STOX2: variants seen among roughly 807,000 people sequenced by gnomAD.
STOX2 encodes the protein storkhead box 2.
Under a neutral mutation model 60.9 loss-of-function variants are expected in STOX2, and 28 were observed. The ratio of observed to expected loss-of-function variants is 0.46; its 90% CI spans 0.34 to 0.63. STOX2 has a LOEUF of 0.63. Among genes scored for constraint, STOX2 ranks in the 30% least tolerant of loss-of-function variants. STOX2 has a pLI of 0.01. For missense variants in STOX2, 1,024 were observed against 1,187.7 expected, an observed-to-expected ratio of 0.86 and a Z score of 2.03; for synonymous variants, 472 against 463.9, an observed-to-expected ratio of 1.02 and a Z score of -0.22.
Position 184,009,427 on chromosome 4 carries a change from G to T in STOX2, c.589G>T (p.Asp197Tyr). 1 of 1,613,980 alleles carries T rather than the reference G, an allele frequency of 6.2e-7. No individual in the cohort carries two copies. Among genetic ancestry groups the T allele is most frequent in the Non-Finnish European group, 8.5e-7 (1 of 1,179,898 alleles). ...RERTLPRNHC[D>Y]SCHCCREDVH... ...AAGGACATTGCCCCGAAACCACTGC[G>T]ACTCTTGCCACTGCTGCAGAGAAGA... Residue 197 changes from aspartate (D) to tyrosine (Y), a missense_variant, in exon 3 of 4, where the codon GAC becomes TAC. Physicochemically the swap from Asp to Tyr is radical, Grantham distance 160. Transcript: ENST00000308497. This position sits in a 1 kb window ranked among gnomAD's most constrained non-coding sequence, Gnocchi z 4.0.
chr4:183,947,039 C>T (rs1463158074), intron 1 of STOX2, among the ~76,000 whole-genome samples: 3 of 151,508 alleles, frequency 2.0e-5, no homozygotes, highest in East Asian at 1.9e-4. Flanking sequence ...CACCACTTTA[C>T]ATCAAAGGTC....
At chr4:183,822,625 G>T (rs758838915) in intron 1 of STOX2, among the ~76,000 whole-genome samples, 1 of 152,176 alleles carries the variant, frequency 6.6e-6, no homozygotes, top group African/African-American at 2.4e-5. Flanking sequence ...CGCTGCCGCG[G>T]ATCTGACAGG....
chr4:183,983,854 A>G (rs934121006), intron 1 of STOX2, among the ~76,000 whole-genome samples: 2 of 152,200 alleles, frequency 1.3e-5, no homozygotes, highest in Non-Finnish European at 2.9e-5. Flanking sequence ...GTGCAATCAT[A>G]GCTCACTGCA....
At chr4:184,015,010 C>T (rs1324962080) in intron 3 of STOX2, 1 of 152,118 alleles carries the variant, frequency 6.6e-6, no homozygotes, top group Non-Finnish European at 1.5e-5. Context: ...GAAGCGAACC[C>T]ACAGTCACTA....
At chr4:183,808,021 A>G (rs1478668720) in intron 1 of STOX2, among the ~76,000 whole-genome samples, 1 of 152,244 alleles carries the variant, frequency 6.6e-6, no homozygotes, top group Non-Finnish European at 1.5e-5. Context: ...GGGTTCCCGT[A>G]GCAGATGGAC....
intron 1 of STOX2, among the ~76,000 whole-genome samples, chr4:183,989,442 C>A (rs1039214665): frequency 1.3e-5 from 2 of 152,066 alleles, no homozygotes; most frequent in Non-Finnish European, 2.9e-5. Context: ...CCTCTGTTGA[C>A]CTGCCTGCCT....
At chr4:183,805,080 G>C (rs762651704) in intron 1 of STOX2, among the ~76,000 whole-genome samples, 1 of 152,110 alleles carries the variant, frequency 6.6e-6, no homozygotes, top group Non-Finnish European at 1.5e-5. Context: ...TATATTTTGC[G>C]GTAAAAACCC....
At chr4:183,948,218 CAAA>C (rs760286920) in intron 1 of STOX2, among the ~76,000 whole-genome samples, 302 of 29,844 alleles carry the variant, frequency 0.01, no homozygotes, top group Middle Eastern at 0.042. Context: ...AACTCCATCT[CAAA>C]AAAAAAAAAA....
chr4:183,846,936 T>C (rs1042594314), intron 1 of STOX2, among the ~76,000 whole-genome samples: 2 of 152,230 alleles, frequency 1.3e-5, no homozygotes, highest in Non-Finnish European at 2.9e-5. Flanking sequence ...GTGGTTGCTG[T>C]TTCTTTGTTT....
At chr4:183,986,633 G>A (rs905852525) in intron 1 of STOX2, among the ~76,000 whole-genome samples, 2 of 152,286 alleles carry the variant, frequency 1.3e-5, no homozygotes, top group African/African-American at 2.4e-5. Flanking sequence ...TCTGGGCACA[G>A]GGACCTGGTT....
rs562477738 is a variant in STOX2 at position 183,893,417 on chromosome 4, T to G, written c.364+95362T>G. On this transcript the variant is annotated intron_variant, in intron 1 of 2. Coordinates refer to the STOX2 transcript ENST00000513034. ...TTCCCTTTGCGGCCAGCATCTTAGCTTGGTGGACTGGACGAAGCCGGTGGT... is the reference window on the plus strand; with the variant it reads ...TTCCCTTTGCGGCCAGCATCTTAGCGTGGTGGACTGGACGAAGCCGGTGGT... Among the ~76,000 whole-genome samples the G allele has an allele frequency of 2.0e-5, 3 of 152,236 alleles. No homozygotes were observed. The South Asian group carries it at 6.2e-4, about 32-fold the overall frequency.
At chr4:183,837,495 G>C (rs889308282) in intron 1 of STOX2, among the ~76,000 whole-genome samples, 8 of 150,544 alleles carry the variant, frequency 5.3e-5, no homozygotes, top group African/African-American at 1.7e-4. Context: ...GTCTCTCTCT[G>C]TCACTCAGGC....
intron 1 of STOX2, among the ~76,000 whole-genome samples, chr4:183,849,773 A>G (rs960323886): frequency 2.0e-5 from 3 of 152,102 alleles, no homozygotes; most frequent in Non-Finnish European, 4.4e-5. Context: ...GGAGTTCGGC[A>G]CATCGTTTTT....
At chr4:183,921,791 G>C (rs932876278) in intron 1 of STOX2, among the ~76,000 whole-genome samples, 1 of 152,124 alleles carries the variant, frequency 6.6e-6, no homozygotes, top group African/African-American at 2.4e-5. Context: ...AGTTAAAAAT[G>C]ATATCTTTTA....
Position 183,825,296 on chromosome 4 carries a change from T to A in STOX2, c.364+27241T>A, listed in dbSNP as rs1739399104. On this transcript the variant is annotated intron_variant, in intron 1 of 2. Coordinates refer to the STOX2 transcript ENST00000513034. The surrounding 1 kb of genome is among the most constrained non-coding windows in gnomAD (Gnocchi z 4.1). Reference sequence around the variant, plus strand: ...GGCTGTGGGCGAGGAAGGAAGGACGTGTTCTTAGGAGGGAGATGCAGCTGA... The same window carrying A: ...GGCTGTGGGCGAGGAAGGAAGGACGAGTTCTTAGGAGGGAGATGCAGCTGA... Among the ~76,000 whole-genome samples the A allele has an allele frequency of 6.6e-6, 1 of 152,060 alleles. No individual in the cohort carries two copies. Among genetic ancestry groups the A allele is most frequent in the Non-Finnish European group, 1.5e-5 (1 of 68,008 alleles).
chr4:183,997,544 G>A (rs1733395362), intron 1 of STOX2, among the ~76,000 whole-genome samples: 1 of 152,164 alleles, frequency 6.6e-6, no homozygotes, highest in Non-Finnish European at 1.5e-5. Context: ...CCTGCTCTGT[G>A]GAGAGGGGAG....
chr4:183,907,824 TCTC>T (rs1324931930), intron 1 of STOX2, among the ~76,000 whole-genome samples: 1 of 152,248 alleles, frequency 6.6e-6, no homozygotes, highest in Non-Finnish European at 1.5e-5. Flanking sequence ...TCTCCTTACT[TCTC>T]CTTAACCACT....
At chr4:183,855,507 T>C (rs1740266160) in intron 1 of STOX2, among the ~76,000 whole-genome samples, 2 of 152,192 alleles carry the variant, frequency 1.3e-5, no homozygotes, top group Admixed American at 6.5e-5. Flanking sequence ...CTGGAAAGTG[T>C]AACTTATGAC....
At chr4:183,858,453 G>T (rs1490984457) in intron 1 of STOX2, among the ~76,000 whole-genome samples, 2 of 152,186 alleles carry the variant, frequency 1.3e-5, no homozygotes, top group Non-Finnish European at 2.9e-5. Flanking sequence ...TGTTGCCTCT[G>T]CCCACGGCCG....
Sources: gnomAD v4.1 joint callset for allele counts (sites outside exome capture counted in the v4.1 genomes callset) on GRCh38, gnomAD v4.1.1 for gene constraint, Gnocchi (gnomAD v3.1) non-coding constraint, MANE v1.5 for transcripts, NCBI Gene and HGNC (gene_info 2026-07-23, HGNC 2026-07-21) for gene names.